Variants in DNAL1 observed in about 807,000 individuals in gnomAD.
The protein encoded by DNAL1 is chromosome 14 open reading frame 168.
A neutral mutation model predicts 29.4 loss-of-function variants in DNAL1; 17 were observed. The observed-to-expected ratio is 0.58, with a 90% confidence interval of 0.40 to 0.87. The LOEUF is 0.87. Ranked by LOEUF, DNAL1 falls within the 40% of genes least tolerant of loss-of-function variation. The probability of loss-of-function intolerance (pLI) is 0.00; values close to 1 mark genes in which losing one functional copy is unlikely to be tolerated. For missense variants in DNAL1, 188 were observed against 214.1 expected (o/e 0.88, Z 0.76); for synonymous variants, 78 against 76.3 (o/e 1.02, Z -0.12).
intron 5 of DNAL1, among the ~76,000 whole-genome samples, chr14:73,676,123 A>G (rs1891726242): frequency 6.6e-6 from 1 of 151,678 alleles, no homozygotes; most frequent in Non-Finnish European, 1.5e-5. Flanking sequence ...AATCCCAGCT[A>G]CTAGGGAGGC....
chr14:73,695,048 C>CTTT (rs71112798), intron 7 of DNAL1, among the ~76,000 whole-genome samples: 2,421 of 60,912 alleles, frequency 0.04, 320 homozygotes, highest in African/African-American at 0.1. Flanking sequence ...TACTTGTTGG[C>CTTT]TTTTTTTTTT....
intron 5 of DNAL1, among the ~76,000 whole-genome samples, chr14:73,674,641 AG>A (rs1891689129): frequency 6.6e-6 from 1 of 152,204 alleles, no homozygotes. Context: ...TCCTGGGCTC[AG>A]GCCATCCTCC....
At chr14:73,677,229 C>T (rs962650260) in intron 5 of DNAL1, among the ~76,000 whole-genome samples, 10 of 152,004 alleles carry the variant, frequency 6.6e-5, no homozygotes, top group East Asian at 3.9e-4. Context: ...CTCGGCCTCC[C>T]GAAGTGCTGG....
intron 4 of DNAL1, among the ~76,000 whole-genome samples, chr14:73,663,270 A>G (rs992558917): frequency 2.0e-5 from 3 of 148,584 alleles, no homozygotes; most frequent in Non-Finnish European, 3.0e-5. Context: ...CAGTGGTGCA[A>G]TCTCAGCTCA....
intron 5 of DNAL1, among the ~76,000 whole-genome samples, chr14:73,678,783 A>C (rs1342774420): frequency 1.3e-5 from 2 of 152,178 alleles, no homozygotes; most frequent in Admixed American, 1.3e-4. Flanking sequence ...GGACTAGCTA[A>C]ATATATTAAT....
At chr14:73,677,544 ATATT>A (rs910610601) in intron 5 of DNAL1, among the ~76,000 whole-genome samples, 30 of 149,108 alleles carry the variant, frequency 2.0e-4, no homozygotes, top group South Asian at 6.3e-4. Context: ...ATATATAAAT[ATATT>A]TATTTATTTA....
chr14:73,692,840 CTTT>C (rs71112797), intron 7 of DNAL1, among the ~76,000 whole-genome samples: 3 of 142,890 alleles, frequency 2.1e-5, no homozygotes, highest in Non-Finnish European at 3.1e-5. Flanking sequence ...ACTGAGGGAT[CTTT>C]TTTTTTTTTT....
chr14:73,687,250 C>T lies in DNAL1; in HGVS notation c.265-9C>T, dbSNP rs1008837067. ...ACATAAACATAAATCAAATTTTGTTCTTTTTCAGGAGGCAGTAGGGGACAC... is the reference window on the plus strand; with the variant it reads ...ACATAAACATAAATCAAATTTTGTTTTTTTTCAGGAGGCAGTAGGGGACAC... On this transcript the variant is annotated splice_polypyrimidine_tract_variant and intron_variant, in intron 5 of 7. Coordinates refer to ENST00000553645, the MANE Select transcript of DNAL1 (RefSeq NM_031427.4). 1.2e-6 allele frequency: 2 copies of T among 1,609,304 alleles called. No individual in the cohort carries two copies. Among genetic ancestry groups the T allele is most frequent in the Non-Finnish European group, 1.7e-6 (2 of 1,178,646 alleles).
At chr14:73,689,063 G>C (rs62004948) in intron 6 of DNAL1, among the ~76,000 whole-genome samples, 4,492 of 130,440 alleles carry the variant, frequency 0.034, 288 homozygotes, top group African/African-American at 0.13. Flanking sequence ...AGACAGAGTC[G>C]TGCTCTGTCG....
chr14:73,670,796 G>T (rs1891601025), intron 4 of DNAL1, among the ~76,000 whole-genome samples: 1 of 151,322 alleles, frequency 6.6e-6, no homozygotes, highest in African/African-American at 2.4e-5. Flanking sequence ...GAGTGCAGTG[G>T]CGAGATCTCG....
At chr14:73,661,109 AACT>A (rs1891332575) in intron 3 of DNAL1, among the ~76,000 whole-genome samples, 1 of 151,914 alleles carries the variant, frequency 6.6e-6, no homozygotes, top group Non-Finnish European at 1.5e-5. Context: ...GGTCGCAGTG[AACT>A]GAGATCATGC....
intron 1 of DNAL1, among the ~76,000 whole-genome samples, chr14:73,649,470 G>A (rs1891064511): frequency 6.7e-6 from 1 of 149,778 alleles, no homozygotes. Context: ...TTTTAGTAGA[G>A]ATGGGGTTTC....
chr14:73,650,400 AGGATAT>A (rs1489109982), intron 1 of DNAL1, among the ~76,000 whole-genome samples: 1 of 152,082 alleles, frequency 6.6e-6, no homozygotes, highest in African/African-American at 2.4e-5. Flanking sequence ...GTGGAACCTG[AGGATAT>A]GGAGGGCCAA....
chr14:73,698,850 T>C lies in DNAL1; in HGVS notation c.*2908T>C, dbSNP rs557148744. 6.6e-6 allele frequency: 1 copy of C among 152,332 alleles called. No individual in the cohort carries two copies. The highest frequency in any genetic ancestry group is 2.1e-4 in the South Asian group (1 of 4,826). The allele number at this position is 152,332 out of a possible 1,614,324, so 9.4% of individuals were successfully genotyped here. A position where few individuals can be genotyped will look rare whatever the true frequency, so the allele number is the denominator to read the frequency against. On this transcript the variant is annotated 3_prime_UTR_variant, in exon 8 of 8. Coordinates refer to ENST00000553645, the MANE Select transcript of DNAL1 (RefSeq NM_031427.4). ...AGTCTACCAAGGAGTTTAACTTTTCTATGTTCCCTAACTCTAAGATTAGGG... is the reference window on the plus strand; with the variant it reads ...AGTCTACCAAGGAGTTTAACTTTTCCATGTTCCCTAACTCTAAGATTAGGG...
chr14:73,661,864 G>T, intron 3 of DNAL1, 123 bp from the exon 4 acceptor site: 1 of 592,478 alleles, frequency 1.7e-6, no homozygotes, highest in Non-Finnish European at 2.9e-6. Flanking sequence ...AGTAATAAAT[G>T]CTATGATTGA....
At position 73,645,597 on chromosome 14, in the gene DNAL1, G is replaced by C. The variant is rs1890960130; in HGVS notation, c.3+555G>C. Among the ~76,000 whole-genome samples, 3 of 152,166 alleles carry C rather than the reference G, an allele frequency of 2.0e-5. No individual in the cohort carries two copies. The South Asian group carries it at 6.2e-4, about 32-fold the overall frequency. On this transcript the variant is annotated intron_variant, in intron 1 of 7. Transcript: ENST00000553645. ...CAAATTTCAGTATGCATAGGTATGG[G>C]CTTGTTGGAATGCAGATTGTGAATT...
chr14:73,680,384 A>G (rs187356564), intron 5 of DNAL1, among the ~76,000 whole-genome samples: 123 of 152,320 alleles, frequency 8.1e-4, no homozygotes, highest in African/African-American at 2.7e-3. Context: ...GAGAGAAGTT[A>G]TAGCTTTATA....
At chr14:73,666,480 A>G (rs1891483287) in intron 4 of DNAL1, among the ~76,000 whole-genome samples, 1 of 152,172 alleles carries the variant, frequency 6.6e-6, no homozygotes, top group Non-Finnish European at 1.5e-5. Flanking sequence ...CACAGTTTTG[A>G]TTTTCATCAG....
chr14:73,681,637 T>C (rs867803796), intron 5 of DNAL1, among the ~76,000 whole-genome samples: 2 of 88,412 alleles, frequency 2.3e-5, no homozygotes, highest in African/African-American at 4.4e-5. Context: ...AAAAAAAATA[T>C]ATATATATAT....
Sources: allele counts gnomAD v4.1 joint callset (sites outside exome capture counted in the v4.1 genomes callset), GRCh38; gene constraint gnomAD v4.1.1; transcripts MANE v1.5; gene names NCBI Gene and HGNC (gene_info 2026-07-23, HGNC 2026-07-21).